LRP1B: variants seen among roughly 807,000 people sequenced by gnomAD.
LRP1B encodes LDL receptor related protein 1B, also known as low-density lipoprotein receptor-related protein 1B.
LRP1B carries 217 observed loss-of-function variants against 556.6 expected under a neutral mutation model. The observed-to-expected ratio is 0.39, with a 90% CI of 0.35 to 0.44. The LOEUF is 0.44. Ranked by LOEUF, LRP1B falls within the 20% of genes least tolerant of loss-of-function variation. LRP1B has a pLI of 1.00. For missense variants in LRP1B, 5,053 were observed against 5,620.8 expected, an observed-to-expected ratio of 0.90 and a Z score of 3.23; for synonymous variants, 2,047 against 1,865.8, an observed-to-expected ratio of 1.10 and a Z score of -2.50.
chr2:141,506,333 G>T (rs963438815), intron 2 of LRP1B, among the ~76,000 whole-genome samples: 3 of 152,112 alleles, frequency 2.0e-5, no homozygotes, highest in Non-Finnish European at 4.4e-5. Context: ...AGGCTGCCTT[G>T]TGTCAACTGT....
At chr2:140,401,640 C>A (rs937104873) in intron 66 of LRP1B, among the ~76,000 whole-genome samples, 1 of 152,288 alleles carries the variant, frequency 6.6e-6, no homozygotes, top group East Asian at 1.9e-4. Flanking sequence ...TCCTGCCTAT[C>A]ACCTGAGAAA....
chr2:141,528,236 C>G (rs1241076775), intron 2 of LRP1B, among the ~76,000 whole-genome samples: 1 of 151,758 alleles, frequency 6.6e-6, no homozygotes, highest in African/African-American at 2.4e-5. Context: ...ATGGGGTTCT[C>G]TCATAACGGG....
chr2:140,416,552 AGGCTGAGGTGGGAGTAT>A, intron 66 of LRP1B, among the ~76,000 whole-genome samples: 1 of 152,124 alleles, frequency 6.6e-6, no homozygotes, highest in South Asian at 2.1e-4. Context: ...GTTACTTAGG[AGGCTGAGGTGGGAGTAT>A]GGCTTGAGCC....
chr2:141,414,604 T>C (rs966493929), intron 3 of LRP1B, among the ~76,000 whole-genome samples: 1 of 152,180 alleles, frequency 6.6e-6, no homozygotes, highest in African/African-American at 2.4e-5. Context: ...GCCAAGTAAA[T>C]AGGATTCCCT....
intron 6 of LRP1B, among the ~76,000 whole-genome samples, chr2:141,212,017 TA>T (rs1682575177): frequency 6.6e-6 from 1 of 152,086 alleles, no homozygotes; most frequent in South Asian, 2.1e-4. Flanking sequence ...AAATAGAAGA[TA>T]AGAAGCTTTT....
intron 20 of LRP1B, among the ~76,000 whole-genome samples, chr2:140,937,377 T>C (rs539795304): frequency 1.3e-5 from 2 of 152,244 alleles, no homozygotes; most frequent in Admixed American, 6.5e-5. Context: ...ATTCCACTTA[T>C]ATTAGATACT....
intron 2 of LRP1B, among the ~76,000 whole-genome samples, chr2:141,575,191 C>T (rs894624012): frequency 1.1e-4 from 16 of 152,220 alleles, no homozygotes; most frequent in African/African-American, 2.2e-4. Context: ...GGAAGCATCA[C>T]GCTACCTGAC....
intron 2 of LRP1B, among the ~76,000 whole-genome samples, chr2:141,547,284 A>G (rs563238041): frequency 3.7e-4 from 56 of 152,154 alleles, no homozygotes; most frequent in Non-Finnish European, 4.3e-4. Flanking sequence ...TATCATCCTT[A>G]CATCCTAATT....
At chr2:141,034,393 A>C (rs989363721) in intron 11 of LRP1B, among the ~76,000 whole-genome samples, 8 of 152,076 alleles carry the variant, frequency 5.3e-5, no homozygotes, top group African/African-American at 1.4e-4. Flanking sequence ...TCTGCACAGC[A>C]AAAGAAACTA....
intron 74 of LRP1B, among the ~76,000 whole-genome samples, 154 bp from the exon 75 acceptor site, chr2:140,356,630 T>C (rs1002657305): frequency 1.3e-5 from 2 of 151,864 alleles, no homozygotes; most frequent in African/African-American, 4.8e-5. Context: ...TAAGCCCCCA[T>C]GTCTTATAAA....
At chr2:141,201,185 G>A (rs1032025806) in intron 6 of LRP1B, among the ~76,000 whole-genome samples, 2 of 152,092 alleles carry the variant, frequency 1.3e-5, no homozygotes, top group African/African-American at 2.4e-5. Context: ...ACCATAACAC[G>A]GTGCGAAATA....
rs575316192 is a variant in LRP1B at position 140,367,206 on chromosome 2, A to G, written c.11009-2423T>C. Among the ~76,000 whole-genome samples, 6 of 151,884 alleles carry G rather than the reference A, an allele frequency of 4.0e-5. No individual in the cohort carries two copies. The South Asian group carries it at 1.2e-3, about 31-fold the overall frequency. Reference sequence around the variant, plus strand: ...GGCAGCTTGGTAACAGATTTGAGAGAGTTGCCTTTTTAAAAACCTGGTATG... The same window carrying G: ...GGCAGCTTGGTAACAGATTTGAGAGGGTTGCCTTTTTAAAAACCTGGTATG... On this transcript the variant is annotated intron_variant, in intron 71 of 90. Coordinates refer to ENST00000389484, the MANE Select transcript of LRP1B (RefSeq NM_018557.3).
At chr2:142,075,888 T>A (rs1474435880) in intron 1 of LRP1B, among the ~76,000 whole-genome samples, 1 of 152,130 alleles carries the variant, frequency 6.6e-6, no homozygotes, top group East Asian at 1.9e-4. Context: ...CATAGGGGCT[T>A]GACTAAGAAA....
At chr2:141,681,165 C>T (rs1407392510) in intron 2 of LRP1B, among the ~76,000 whole-genome samples, 3 of 151,930 alleles carry the variant, frequency 2.0e-5, no homozygotes, top group South Asian at 2.1e-4. Flanking sequence ...TGGTGGCATT[C>T]GCCTATAGTC....
At chr2:141,961,498 G>A (rs562192009) in intron 1 of LRP1B, among the ~76,000 whole-genome samples, 1 of 151,728 alleles carries the variant, frequency 6.6e-6, no homozygotes, top group Admixed American at 6.6e-5. Flanking sequence ...ACACACCTTT[G>A]ACGTATTTAA....
intron 1 of LRP1B, among the ~76,000 whole-genome samples, chr2:141,997,439 G>A (rs369267292): frequency 0.39 from 15,403 of 39,418 alleles, 989 homozygotes; most frequent in South Asian, 0.48. Context: ...GTGTGTGTGT[G>A]TATATACACA....
At chr2:141,628,815 T>C (rs943759587) in intron 2 of LRP1B, among the ~76,000 whole-genome samples, 9 of 151,972 alleles carry the variant, frequency 5.9e-5, no homozygotes, top group South Asian at 4.2e-4. Context: ...ACCCAGCTAA[T>C]TTTGTTTACT....
chr2:142,036,802 C>A (rs1703897987), intron 1 of LRP1B, among the ~76,000 whole-genome samples: 1 of 151,652 alleles, frequency 6.6e-6, no homozygotes, highest in Non-Finnish European at 1.5e-5. Flanking sequence ...CACTCAGATT[C>A]AAAAATGTTG....
At chr2:141,616,052 G>C (rs1397980998) in intron 2 of LRP1B, among the ~76,000 whole-genome samples, 1 of 152,138 alleles carries the variant, frequency 6.6e-6, no homozygotes, top group African/African-American at 2.4e-5. Context: ...GGGAGGCCGA[G>C]ATGGGCGGAC....
Sources: allele counts gnomAD v4.1 joint callset (sites outside exome capture counted in the v4.1 genomes callset), GRCh38; gene constraint gnomAD v4.1.1; transcripts MANE v1.5; gene names NCBI Gene and HGNC (gene_info 2026-07-23, HGNC 2026-07-21).